Variants in AGAP3 observed in about 807,000 individuals in gnomAD.
The protein encoded by AGAP3 is arf-GAP with GTPase, ANK repeat and PH domain-containing protein 3.
A neutral mutation model predicts 96.9 loss-of-function variants in AGAP3; 24 were observed. The observed-to-expected ratio is 0.25, with a 90% CI of 0.18 to 0.35. The LOEUF (loss-of-function observed/expected upper bound fraction) is 0.35. Ranked by LOEUF, AGAP3 falls within the 10% of genes least tolerant of loss-of-function variation. The probability of loss-of-function intolerance (pLI) is 1.00; values close to 1 mark genes in which losing one functional copy is unlikely to be tolerated. For missense variants in AGAP3, 876 were observed against 1,254.2 expected, an observed-to-expected ratio of 0.70 and a Z score of 4.55; for synonymous variants, 563 against 536.1, an observed-to-expected ratio of 1.05 and a Z score of -0.69.
intron 12 of AGAP3, among the ~76,000 whole-genome samples, chr7:151,138,822 GGTCCCTGT>G (rs1563525854): frequency 6.6e-6 from 1 of 152,138 alleles, no homozygotes; most frequent in Non-Finnish European, 1.5e-5. Flanking sequence ...GGAACTGGGG[GGTCCCTGT>G]GGAGTTGTCC....
intron 11 of AGAP3, 70 bp downstream of exon 11, chr7:151,134,638 G>T: frequency 6.8e-7 from 1 of 1,465,104 alleles, no homozygotes; most frequent in Non-Finnish European, 9.3e-7. Flanking sequence ...GGCATTCTGG[G>T]CTTGGCTGCT....
chr7:151,120,210 C>T, intron 8 of AGAP3, 65 bp downstream of exon 8: 1 of 1,514,708 alleles, frequency 6.6e-7, no homozygotes, highest in South Asian at 1.3e-5. Context: ...GAGCGCCGAG[C>T]TCCCAGCCAG....
chr7:151,142,797 C>G lies in AGAP3; in HGVS notation c.2273+163C>G, dbSNP rs1020724493. ...GGGGGTGCCCCTCCTGCTCTGGTGC[C>G]TGTCACTCAGGCGCCTCACAACAAC... On this transcript the variant is annotated intron_variant, in intron 16 of 17. Coordinates refer to ENST00000397238, the MANE Select transcript of AGAP3 (RefSeq NM_031946.7). This position sits in a 1 kb window ranked among gnomAD's most constrained non-coding sequence, Gnocchi z 7.5. Among the ~76,000 whole-genome samples, 49 of 152,352 alleles carry G rather than the reference C, an allele frequency of 3.2e-4. No homozygotes were observed. Among genetic ancestry groups the G allele is most frequent in the South Asian group, 8.3e-4 (4 of 4,830 alleles).
At chr7:151,134,035 C>T (rs753639239) in intron 10 of AGAP3, among the ~76,000 whole-genome samples, 36 of 152,274 alleles carry the variant, frequency 2.4e-4, no homozygotes, top group Admixed American at 2.0e-4. Flanking sequence ...CGAGTGTCTC[C>T]GCTCCCCTCC....
In AGAP3 at chr7:151,140,060, G is replaced by A. The variant is rs752096546; in HGVS notation, c.1748G>A (p.Arg583Gln). Residue 583 changes from arginine to glutamine, a missense_variant, in exon 13 of 18, where the codon CGG (arginine) becomes CAG (glutamine). This residue lies in a region of AGAP3 where 155 missense variants were observed against 144.4 expected (regional missense o/e 1.07). Transcript: ENST00000397238. The surrounding 1 kb of genome is among the most constrained non-coding windows in gnomAD (Gnocchi z 5.4). ...PSPHSNRKKH[R>Q]RKKSTGTPRP... is the part of the protein sequence containing the mutation. ...CCCCACTCCAACCGGAAGAAGCACC[G>A]GAGGAAAAAGAGCACCGGGACCCCC... 32 of 1,605,944 alleles carry A rather than the reference G, an allele frequency of 2.0e-5. No homozygotes were observed. The highest frequency in any genetic ancestry group is 3.3e-4 in the Middle Eastern group (2 of 6,058).
intron 1 of AGAP3, among the ~76,000 whole-genome samples, chr7:151,087,548 C>T (rs1314790612): frequency 6.6e-6 from 1 of 152,112 alleles, no homozygotes; most frequent in Admixed American, 6.5e-5. Context: ...GCGCCCTCTC[C>T]CGACGCACAC....
rs1798166490 is a variant in AGAP3, at chr7:151,086,792, G to A, written c.51G>A (p.Leu17=). 1 of 911,636 alleles carries A rather than the reference G, an allele frequency of 1.1e-6. No individual in the cohort carries two copies. The highest frequency in any genetic ancestry group is 1.3e-6 in the Non-Finnish European group (1 of 774,046). The allele number at this position is 911,636 out of a possible 1,614,324, so 56.5% of individuals were successfully genotyped here. ...GGQSPQQQQS[L]AAPGGGGAAA... ...AGAGCCCGCAGCAGCAGCAGAGCCT[G>A]GCGGCTCCGGGGGGCGGCGGCGCTG... Residue 17 remains leucine (L), a synonymous_variant, in exon 1 of 18, where the codon CTG becomes CTA. Coordinates refer to ENST00000397238, the MANE Select transcript of AGAP3 (RefSeq NM_031946.7).
In AGAP3 at chr7:151,138,211, G is replaced by A; in HGVS notation, c.1564G>A (p.Gly522Ser). Reference sequence around the variant, plus strand: ...CCCCCTCAGCAGCTCGGCCTGGGCTGGCCCGCGCCCTGAGGGGCTGCACCA... The same window carrying A: ...CCCCCTCAGCAGCTCGGCCTGGGCTAGCCCGCGCCCTGAGGGGCTGCACCA... ...ERPLSSSAWA[G>S]PRPEGLHQRS... Residue 522 changes from glycine to serine, a missense_variant, in exon 12 of 18, where the codon GGC becomes AGC. Around this residue, in one of 8 missense-constraint regions of AGAP3, gnomAD observed 155 missense variants for 144.4 expected, o/e 1.07. Transcript: ENST00000397238. 1 of 1,611,676 alleles carries A rather than the reference G, an allele frequency of 6.2e-7. No homozygotes were observed. Among genetic ancestry groups the A allele is most frequent in the South Asian group, 1.1e-5 (1 of 90,786 alleles).
chr7:151,123,249 C>A, intron 8 of AGAP3: 1 of 1,062,158 alleles, frequency 9.4e-7, no homozygotes, highest in South Asian at 3.0e-5. Context: ...CCCCTATTTC[C>A]TAGGATCCGC....
intron 1 of AGAP3, among the ~76,000 whole-genome samples, chr7:151,105,772 T>C (rs1585052485): frequency 2.4e-5 from 1 of 41,848 alleles, no homozygotes; most frequent in Non-Finnish European, 3.6e-5. Context: ...AACCCCTCCA[T>C]TCCGCCCCCC....
chr7:151,116,073 A>G lies in AGAP3; in HGVS notation c.332-720A>G, dbSNP rs530302294. On this transcript the variant is annotated intron_variant, in intron 1 of 17. Transcript: ENST00000397238. ...TGCCCAGCTAGAGAGGGGTTCCCAGAGCTAGCCCGAGCACCCATGTGGAAC... is the reference window on the plus strand; with the variant it reads ...TGCCCAGCTAGAGAGGGGTTCCCAGGGCTAGCCCGAGCACCCATGTGGAAC... Among the ~76,000 whole-genome samples, 4 of 152,174 alleles carry G rather than the reference A, an allele frequency of 2.6e-5. No homozygotes were observed. The East Asian group carries it at 7.8e-4, about 30-fold the overall frequency.
chr7:151,094,467 T>C (rs985204920), intron 1 of AGAP3, among the ~76,000 whole-genome samples: 12 of 150,838 alleles, frequency 8.0e-5, no homozygotes, highest in Non-Finnish European at 1.3e-4. Context: ...CCCTTCTTCA[T>C]CTGATACGTA....
chr7:151,101,092 C>A (rs918782185), intron 1 of AGAP3, among the ~76,000 whole-genome samples: 5 of 152,366 alleles, frequency 3.3e-5, no homozygotes, highest in African/African-American at 9.6e-5. Flanking sequence ...TCACTCACCA[C>A]CTCCCTGATG....
chr7:151,107,080 G>A (rs1240869697), intron 1 of AGAP3, among the ~76,000 whole-genome samples: 2 of 151,684 alleles, frequency 1.3e-5, no homozygotes, highest in Non-Finnish European at 2.9e-5. Flanking sequence ...GGGGCCAAGG[G>A]AGGTAGATCA....
intron 1 of AGAP3, among the ~76,000 whole-genome samples, chr7:151,094,452 G>A (rs1246440948): frequency 2.0e-5 from 3 of 150,426 alleles, no homozygotes; most frequent in African/African-American, 4.9e-5. Flanking sequence ...CCACTTCCCC[G>A]GCACCCCTTC....
intron 9 of AGAP3, among the ~76,000 whole-genome samples, chr7:151,126,391 C>T (rs528683868): frequency 2.1e-5 from 3 of 140,210 alleles, no homozygotes; most frequent in East Asian, 2.1e-4. Context: ...GGGGCGGGGC[C>T]GGCCGTGGAG....
chr7:151,111,845 G>C (rs1022321809), intron 1 of AGAP3, among the ~76,000 whole-genome samples: 2 of 152,222 alleles, frequency 1.3e-5, no homozygotes, highest in African/African-American at 4.8e-5. Context: ...GTCACATTCA[G>C]TCCAGCGTTT....
At chr7:151,101,007 A>G (rs892814336) in intron 1 of AGAP3, among the ~76,000 whole-genome samples, 5 of 152,026 alleles carry the variant, frequency 3.3e-5, no homozygotes, top group African/African-American at 7.2e-5. Context: ...GCTGGTTCCA[A>G]CCACCTTCAG....
chr7:151,133,208 A>C lies in AGAP3; in HGVS notation c.1327-1192A>C, dbSNP rs1480867395. On this transcript the variant is annotated intron_variant, in intron 10 of 17. Transcript: ENST00000397238. The surrounding 1 kb of genome is among the most constrained non-coding windows in gnomAD (Gnocchi z 5.4). ...CTCAGGAAGGGGCATAGACCCATGGAGAGGAATTTGTGCCACTTTACCAAG... is the reference window on the plus strand; with the variant it reads ...CTCAGGAAGGGGCATAGACCCATGGCGAGGAATTTGTGCCACTTTACCAAG... Among the ~76,000 whole-genome samples the C allele has an allele frequency of 6.6e-6, 1 of 152,216 alleles. No homozygotes were observed. The highest frequency in any genetic ancestry group is 2.4e-5 in the African/African-American group (1 of 41,462).
Sources: gnomAD v4.1 joint callset for allele counts (sites outside exome capture counted in the v4.1 genomes callset) on GRCh38, gnomAD v4.1.1 for gene constraint, gnomAD v4.1.1 regional missense constraint, Gnocchi (gnomAD v3.1) non-coding constraint, MANE v1.5 for transcripts, NCBI Gene and HGNC (gene_info 2026-07-23, HGNC 2026-07-21) for gene names.